Variants in GRIK1 observed in about 807,000 individuals in gnomAD.
GRIK1 encodes the protein glutamate ionotropic receptor kainate type subunit 1.
In GRIK1, 69 loss-of-function variants were observed where a neutral mutation model predicts 105.7. The ratio of observed to expected loss-of-function variants is 0.65; its 90% CI spans 0.54 to 0.80. The LOEUF (loss-of-function observed/expected upper bound fraction) is 0.80. Among genes scored for constraint, GRIK1 ranks in the 30% least tolerant of loss-of-function variants. GRIK1 has a pLI of 0.00. For synonymous variants in GRIK1, 438 were observed against 431.3 expected (o/e 1.02, Z -0.19); for missense variants, 1,109 against 1,167.3 (o/e 0.95, Z 0.73).
intron 1 of GRIK1, among the ~76,000 whole-genome samples, chr21:29,878,138 C>T (rs1349152780): frequency 6.6e-6 from 1 of 151,942 alleles, no homozygotes; most frequent in African/African-American, 2.4e-5. Flanking sequence ...TTAGAAAGTA[C>T]AATTTAGAGA....
At chr21:29,778,989 A>G (rs1398677479) in intron 1 of GRIK1, among the ~76,000 whole-genome samples, 1 of 152,160 alleles carries the variant, frequency 6.6e-6, no homozygotes, top group African/African-American at 2.4e-5. Flanking sequence ...GAAATCTTCT[A>G]TTTCGAATTG....
Position 29,620,806 on chromosome 21 carries a change from GATAT to G in GRIK1, c.1099-21873_1099-21870del, listed in dbSNP as rs780994882. Among the ~76,000 whole-genome samples the G allele has an allele frequency of 2.1e-3, 226 of 105,230 alleles. 3 individuals are homozygous for G. The highest frequency in any genetic ancestry group is 0.011 in the African/African-American group (213 of 19,866). The allele number at this position is 105,230 out of a possible 152,430, so 69.0% of individuals were successfully genotyped here. On this transcript the variant is annotated intron_variant, in intron 7 of 17. Transcript: ENST00000327783. ...AGATATATATATCTATATATATATA[GATAT>G]ATATATATAGTAATAATATATTATA... is the stretch of plus-strand genomic sequence containing the variant.
intron 1 of GRIK1, among the ~76,000 whole-genome samples, chr21:29,887,543 T>C (rs1329874812): frequency 3.3e-5 from 5 of 152,168 alleles, no homozygotes; most frequent in African/African-American, 7.2e-5. Flanking sequence ...AGAACTGTGC[T>C]AGACTACTGA....
chr21:29,934,227 GATA>G (rs1163043259), intron 1 of GRIK1, among the ~76,000 whole-genome samples: 1 of 152,174 alleles, frequency 6.6e-6, no homozygotes, highest in Non-Finnish European at 1.5e-5. Flanking sequence ...AGAGTCCACT[GATA>G]ATATCAGTTT....
At chr21:29,646,220 A>T (rs11908724) in intron 6 of GRIK1, among the ~76,000 whole-genome samples, 139 of 152,288 alleles carry the variant, frequency 9.1e-4, no homozygotes, top group African/African-American at 3.1e-3. Flanking sequence ...AACTAAGGCC[A>T]GCTGTATGGG....
intron 1 of GRIK1, among the ~76,000 whole-genome samples, chr21:29,849,420 C>T (rs1469654076): frequency 1.3e-5 from 2 of 152,124 alleles, no homozygotes; most frequent in Non-Finnish European, 2.9e-5. Context: ...GTCGAGCATC[C>T]ATCAATAGGG....
intron 1 of GRIK1, among the ~76,000 whole-genome samples, chr21:29,731,152 G>A (rs1450114106): frequency 6.6e-5 from 10 of 152,210 alleles, no homozygotes. Flanking sequence ...GCCCTTGTTT[G>A]ATGAGAGGAA....
intron 3 of GRIK1, among the ~76,000 whole-genome samples, chr21:29,688,081 G>T (rs549292262): frequency 9.2e-5 from 14 of 152,194 alleles, no homozygotes; most frequent in Admixed American, 3.3e-4. Flanking sequence ...TAAAGTATGC[G>T]TGTGGATTTG....
intron 7 of GRIK1, among the ~76,000 whole-genome samples, chr21:29,638,983 C>T (rs1009364624): frequency 2.6e-5 from 4 of 152,198 alleles, no homozygotes; most frequent in Non-Finnish European, 5.9e-5. Context: ...ACACTGACAG[C>T]AAAGTGTGAT....
At chr21:29,657,986 T>G (rs2062886738) in intron 4 of GRIK1, among the ~76,000 whole-genome samples, 1 of 152,228 alleles carries the variant, frequency 6.6e-6, no homozygotes, top group Non-Finnish European at 1.5e-5. Flanking sequence ...TACTTTTTCC[T>G]GAGAATGACT....
At chr21:29,891,893 G>A (rs1312531669) in intron 1 of GRIK1, among the ~76,000 whole-genome samples, 2 of 152,158 alleles carry the variant, frequency 1.3e-5, no homozygotes, top group Non-Finnish European at 2.9e-5. Flanking sequence ...CACACACAAA[G>A]AGATTGTTAA....
Position 29,626,393 on chromosome 21 carries a change from T to C in GRIK1, c.1098+16433A>G, listed in dbSNP as rs566768552. ...GGGATTAAGTTTCCAACACATGAAC[T>C]CTGGGGGACACATTCAAATCGTAAC... On this transcript the variant is annotated intron_variant, in intron 7 of 17. Coordinates refer to ENST00000327783, the MANE Select transcript of GRIK1 (RefSeq NM_001330994.2). Among the ~76,000 whole-genome samples the C allele has an allele frequency of 3.9e-5, 6 of 152,256 alleles. No individual in the cohort carries two copies. In the East Asian group the frequency reaches 9.6e-4, roughly 24 times the overall value.
chr21:29,741,989 A>G (rs1481292270), intron 1 of GRIK1, among the ~76,000 whole-genome samples: 1 of 152,236 alleles, frequency 6.6e-6, no homozygotes, highest in Non-Finnish European at 1.5e-5. Flanking sequence ...TTAATCATGG[A>G]GAAGGTACAA....
intron 1 of GRIK1, among the ~76,000 whole-genome samples, chr21:29,777,408 C>T (rs1009619319): frequency 1.3e-5 from 2 of 152,152 alleles, no homozygotes; most frequent in African/African-American, 4.8e-5. Flanking sequence ...AGAACTACTG[C>T]TATGTGAAAA....
At chr21:29,826,567 C>T (rs966538643) in intron 1 of GRIK1, among the ~76,000 whole-genome samples, 1 of 152,096 alleles carries the variant, frequency 6.6e-6, no homozygotes, top group Non-Finnish European at 1.5e-5. Flanking sequence ...TGGGTCTTCC[C>T]TCTGTCTCTA....
intron 1 of GRIK1, among the ~76,000 whole-genome samples, chr21:29,722,910 G>T (rs1330652111): frequency 6.6e-6 from 1 of 152,160 alleles, no homozygotes; most frequent in Non-Finnish European, 1.5e-5. Flanking sequence ...TAAAATGTTC[G>T]TAGCAGTTAA....
chr21:29,617,749 C>T (rs1568892597), intron 7 of GRIK1, among the ~76,000 whole-genome samples: 1 of 152,196 alleles, frequency 6.6e-6, no homozygotes, highest in Non-Finnish European at 1.5e-5. Context: ...TGGAGTGTGA[C>T]ATCAGATTCA....
intron 6 of GRIK1, among the ~76,000 whole-genome samples, chr21:29,649,700 CT>C (rs1184509770): frequency 3.3e-5 from 5 of 152,160 alleles, no homozygotes; most frequent in South Asian, 2.1e-4. Flanking sequence ...AACACACAGA[CT>C]TTTTTTCTTT....
chr21:29,819,360 T>C (rs1015103376), intron 1 of GRIK1, among the ~76,000 whole-genome samples: 1 of 152,044 alleles, frequency 6.6e-6, no homozygotes, highest in African/African-American at 2.4e-5. Context: ...AATCCTACCA[T>C]AAATTTCACA....
Sources: allele counts gnomAD v4.1 joint callset (sites outside exome capture counted in the v4.1 genomes callset), GRCh38; gene constraint gnomAD v4.1.1; transcripts MANE v1.5; gene names NCBI Gene and HGNC (gene_info 2026-07-23, HGNC 2026-07-21).